PCDHA5: variants seen among roughly 807,000 people sequenced by gnomAD.
PCDHA5 encodes protocadherin alpha 5.
A neutral mutation model predicts 61.6 loss-of-function variants in PCDHA5; 43 were observed. The ratio of observed to expected loss-of-function variants is 0.70; its 90% CI spans 0.55 to 0.90. The LOEUF is 0.90. PCDHA5 is among the 40% of genes least tolerant of loss of function. The pLI is 0.00. For synonymous variants in PCDHA5, 627 were observed against 543.9 expected (o/e 1.15, Z -2.13); for missense variants, 1,298 against 1,222.7 (o/e 1.06, Z -0.92).
chr5:140,916,957 T>C (rs1478651535), intron 1 of PCDHA5, among the ~76,000 whole-genome samples: 1 of 152,224 alleles, frequency 6.6e-6, no homozygotes, highest in African/African-American at 2.4e-5. Context: ...TGCTGAGTTC[T>C]GACTGCTGGG....
chr5:140,975,396 A>G (rs1366048936), intron 1 of PCDHA5, among the ~76,000 whole-genome samples: 2 of 152,248 alleles, frequency 1.3e-5, no homozygotes, highest in African/African-American at 4.8e-5. Flanking sequence ...GATCCATCAC[A>G]ATCACAGTCT....
At chr5:140,966,806 C>T in intron 1 of PCDHA5, 1 of 1,546,832 alleles carries the variant, frequency 6.5e-7, no homozygotes, top group Non-Finnish European at 8.7e-7. Context: ...GACAGAGCAT[C>T]CACGGCTCCG....
intron 1 of PCDHA5, chr5:140,877,758 G>C: frequency 6.2e-7 from 1 of 1,614,190 alleles, no homozygotes; most frequent in Non-Finnish European, 8.5e-7. Context: ...GCTCTGCAGA[G>C]AGCCCGCCCA....
intron 1 of PCDHA5, among the ~76,000 whole-genome samples, chr5:140,940,808 T>C (rs781904662): frequency 3.3e-5 from 5 of 152,232 alleles, no homozygotes; most frequent in Non-Finnish European, 7.3e-5. Context: ...TGCCAGGATA[T>C]CCTGAGATCT....
At position 140,822,714 on chromosome 5, in the gene PCDHA5, C is replaced by G; in HGVS notation, c.939C>G (p.Asn313Lys). ...VNGELDYEDY[N>K]SYEINIDAMD... ...GGGAACTGGATTATGAAGACTATAA[C>G]TCATATGAAATTAATATTGATGCCA... The change falls in exon 1 of 4, where the codon AAC (asparagine) becomes AAG (lysine). Residue 313 changes from asparagine (N) to lysine (K), a missense_variant. Asn to Lys is a moderately conservative substitution (Grantham distance 94). Transcript: ENST00000529859. 6.2e-7 allele frequency: 1 copy of G among 1,610,946 alleles called. No homozygotes were observed. Among genetic ancestry groups the G allele is most frequent in the Non-Finnish European group, 8.5e-7 (1 of 1,177,130 alleles).
In PCDHA5 at chr5:140,824,084, C is replaced by A; in HGVS notation, c.2309C>A (p.Ala770Asp). ...GCTCCACCCAAAACAGACCTCATGG[C>A]CTTCAGTCCAAGCCTTCCTCAGGGT... ...GEAPPKTDLM[A>D]FSPSLPQGPT... The change falls in exon 1 of 4, where the codon GCC (alanine) becomes GAC (aspartate). Residue 770 changes from alanine to aspartate, a missense_variant. By Grantham distance (126) the Ala-to-Asp change is moderately radical. Transcript: ENST00000529859. 2.5e-6 allele frequency: 4 copies of A among 1,614,192 alleles called. No homozygotes were observed. The highest frequency in any genetic ancestry group is 8.5e-7 in the Non-Finnish European group (1 of 1,180,008).
intron 1 of PCDHA5, chr5:140,829,711 G>C (rs2150173108): frequency 2.5e-5 from 41 of 1,613,342 alleles, no homozygotes; most frequent in South Asian, 8.8e-5. Context: ...CGCGCGACGC[G>C]GGCGTGCCGC....
At chr5:140,855,863 C>A in intron 1 of PCDHA5, 2 of 763,578 alleles carry the variant, frequency 2.6e-6, no homozygotes, top group Non-Finnish European at 4.1e-6. Flanking sequence ...ATGTCGCTGT[C>A]GTCCACAAAA....
At chr5:140,830,772 A>G in intron 1 of PCDHA5, 1 of 169,878 alleles carries the variant, frequency 5.9e-6, no homozygotes, top group Non-Finnish European at 1.2e-5. Flanking sequence ...GAATCATAGT[A>G]GCATTTTTTT....
At chr5:140,928,319 A>AGAAT (rs1554205765) in intron 1 of PCDHA5, 1 of 1,614,082 alleles carries the variant, frequency 6.2e-7, no homozygotes, top group Non-Finnish European at 8.5e-7. Flanking sequence ...GACCTGGGGA[A>AGAAT]GAATGGCCTT....
At chr5:140,966,973 G>T in intron 1 of PCDHA5, 1 of 1,603,054 alleles carries the variant, frequency 6.2e-7, no homozygotes. Flanking sequence ...GGCTTGAGCT[G>T]CGGCGCTTGG....
chr5:140,858,100 C>T lies in PCDHA5; in HGVS notation c.2352+33973C>T, dbSNP rs368579908. ...AGGCCTCGTCGCGGGCTTCAGTGGG[C>T]GTGGCGCCCGAGGTGGCCCTGGTGG... On this transcript the variant is annotated intron_variant, in intron 1 of 3. Coordinates refer to ENST00000529859, the MANE Select transcript of PCDHA5 (RefSeq NM_018908.3). 202 of 1,597,586 alleles carry T rather than the reference C, an allele frequency of 1.3e-4. 22 individuals are homozygous for T. The highest frequency in any genetic ancestry group is 1.7e-4 in the Non-Finnish European group (196 of 1,167,684).
chr5:140,870,763 G>T (rs1386684596), intron 1 of PCDHA5: 1 of 1,613,434 alleles, frequency 6.2e-7, no homozygotes, highest in African/African-American at 1.3e-5. Context: ...GCAGGTGTTC[G>T]TGCTGGACGA....
At chr5:140,890,141 C>T (rs573390664) in intron 1 of PCDHA5, among the ~76,000 whole-genome samples, 6 of 152,182 alleles carry the variant, frequency 3.9e-5, no homozygotes, top group African/African-American at 1.4e-4. Context: ...TGAAATTGGC[C>T]ATGGTAGGAG....
intron 1 of PCDHA5, among the ~76,000 whole-genome samples, chr5:140,941,409 C>T (rs1284702446): frequency 2.7e-5 from 4 of 149,924 alleles, no homozygotes; most frequent in Admixed American, 1.3e-4. Flanking sequence ...CTCCGCCTCC[C>T]GGGTTCAAGC....
intron 3 of PCDHA5, among the ~76,000 whole-genome samples, chr5:140,991,325 G>C (rs899183687): frequency 3.3e-5 from 5 of 152,184 alleles, no homozygotes; most frequent in Non-Finnish European, 5.9e-5. Flanking sequence ...GATACATGAA[G>C]GGAATAGCTT....
intron 1 of PCDHA5, chr5:140,882,420 A>G: frequency 1.2e-6 from 2 of 1,614,046 alleles, no homozygotes; most frequent in Non-Finnish European, 1.7e-6. Flanking sequence ...ATCGCTCAGG[A>G]CCTGGGGCTG....
chr5:140,893,636 G>A (rs2064097174), intron 1 of PCDHA5, among the ~76,000 whole-genome samples: 1 of 152,170 alleles, frequency 6.6e-6, no homozygotes, highest in Non-Finnish European at 1.5e-5. Flanking sequence ...GCTTGGTATA[G>A]TATTTTTGGC....
intron 1 of PCDHA5, among the ~76,000 whole-genome samples, chr5:140,845,914 T>C (rs1554141062): frequency 1.3e-5 from 2 of 149,758 alleles, no homozygotes; most frequent in African/African-American, 2.4e-5. Context: ...ATATTAATCT[T>C]ATTTTTGTGT....
Sources: allele counts gnomAD v4.1 joint callset (sites outside exome capture counted in the v4.1 genomes callset), GRCh38; gene constraint gnomAD v4.1.1; transcripts MANE v1.5; gene names NCBI Gene and HGNC (gene_info 2026-07-23, HGNC 2026-07-21).